POR: variants seen among roughly 807,000 people sequenced by gnomAD.
The protein encoded by POR is cytochrome p450 oxidoreductase, also known as NADPH--cytochrome P450 reductase.
In POR, 56 loss-of-function variants were observed where a neutral mutation model predicts 84.0. That is an observed-to-expected ratio of 0.67 (90% CI 0.54 to 0.83). POR has a LOEUF of 0.83. POR is among the 40% of genes least tolerant of loss of function. POR has a pLI of 0.00. For missense variants in POR, 938 were observed against 944.3 expected, an observed-to-expected ratio of 0.99 and a Z score of 0.09; for synonymous variants, 414 against 400.5, an observed-to-expected ratio of 1.03 and a Z score of -0.40.
At chr7:75,979,775 C>A in intron 4 of POR, 196 bp downstream of exon 4, 1 of 696,978 alleles carries the variant, frequency 1.4e-6, no homozygotes. Context: ...CCTGCAGTTG[C>A]AGCCACGTGC....
chr7:75,921,879 G>C (rs1554548884), intron 1 of POR, among the ~76,000 whole-genome samples: 1 of 151,808 alleles, frequency 6.6e-6, no homozygotes, highest in South Asian at 2.1e-4. Context: ...GCTAATTTTT[G>C]TATTTCTAGT....
At chr7:75,937,516 C>A (rs1197527765) in intron 1 of POR, among the ~76,000 whole-genome samples, 1 of 144,722 alleles carries the variant, frequency 6.9e-6, no homozygotes, top group African/African-American at 2.6e-5. Flanking sequence ...TGTTTGGTGG[C>A]TCACGTCTGT....
chr7:75,982,553 C>T (rs1307139403), intron 8 of POR, among the ~76,000 whole-genome samples: 3 of 152,222 alleles, frequency 2.0e-5, no homozygotes, highest in Non-Finnish European at 4.4e-5. Context: ...CCCAGGGCAG[C>T]GGGGCACATC....
chr7:75,957,775 A>G (rs967805695), intron 2 of POR, among the ~76,000 whole-genome samples: 26 of 152,304 alleles, frequency 1.7e-4, no homozygotes, highest in Middle Eastern at 3.4e-3. Context: ...GTGTGGAGAT[A>G]TGCAGTTTCC....
In POR at chr7:75,985,743, C is replaced by A. The variant is rs781897051; in HGVS notation, c.1563C>A (p.Phe521Leu). 6.3e-7 allele frequency: 1 copy of A among 1,585,680 alleles called. No individual in the cohort carries two copies. The highest frequency in any genetic ancestry group is 1.2e-5 in the South Asian group (1 of 86,648). ...CCATGTTCGTGCGCAAGTCCCAGTTCCGCCTGCCCTTCAAGGCCACCACGC... is the reference window on the plus strand; with the variant it reads ...CCATGTTCGTGCGCAAGTCCCAGTTACGCCTGCCCTTCAAGGCCACCACGC... The change falls in exon 13 of 16, where the codon TTC (phenylalanine) becomes TTA (leucine). Residue 521 changes from phenylalanine to leucine, a missense_variant. Coordinates refer to ENST00000461988, the MANE Select transcript of POR (RefSeq NM_000941.3).
intron 3 of POR, among the ~76,000 whole-genome samples, chr7:75,977,155 G>GT (rs1267068307): frequency 1.3e-5 from 2 of 152,102 alleles, no homozygotes; most frequent in African/African-American, 4.8e-5. Context: ...ACCCGGCCGC[G>GT]TAAGTTTTAT....
intron 1 of POR, among the ~76,000 whole-genome samples, chr7:75,951,389 A>G (rs748794510): frequency 5.3e-5 from 8 of 152,138 alleles, no homozygotes; most frequent in Non-Finnish European, 1.2e-4. Context: ...GAGAGACTCT[A>G]TCTCAAAAAA....
At chr7:75,930,586 G>C (rs931137953) in intron 1 of POR, among the ~76,000 whole-genome samples, 1 of 152,164 alleles carries the variant, frequency 6.6e-6, no homozygotes, top group Non-Finnish European at 1.5e-5. Context: ...GCAGTGGCAC[G>C]ATCTTGGCTC....
chr7:75,932,143 C>A (rs1475796580), intron 1 of POR, among the ~76,000 whole-genome samples: 1 of 151,438 alleles, frequency 6.6e-6, no homozygotes, highest in Non-Finnish European at 1.5e-5. Flanking sequence ...TATTTGTTCC[C>A]TTTGATTCAG....
chr7:75,977,897 C>G (rs1353489475), intron 3 of POR, among the ~76,000 whole-genome samples: 3 of 152,236 alleles, frequency 2.0e-5, no homozygotes, highest in African/African-American at 7.2e-5. Context: ...CTCCCTTCCA[C>G]CCTTCAGATC....
Position 75,980,435 on chromosome 7 carries a change from T to G in POR, c.463T>G (p.Phe155Val). ...AGACCCCACCGACAATGCCCAGGAC[T>G]TCTACGACTGGCTGCAGGAGACAGA... The change falls in exon 5 of 16, where the codon TTC becomes GTC. Residue 155 changes from phenylalanine (F) to valine (V), a missense_variant. Physicochemically the swap from Phe to Val is conservative, Grantham distance 50. Coordinates refer to ENST00000461988, the MANE Select transcript of POR (RefSeq NM_000941.3). 6.2e-7 allele frequency: 1 copy of G among 1,613,262 alleles called. No homozygotes were observed. Among genetic ancestry groups the G allele is most frequent in the Non-Finnish European group, 8.5e-7 (1 of 1,179,854 alleles).
At position 75,986,128 on chromosome 7, in the gene POR, G is replaced by GC. The variant is rs782588175; in HGVS notation, c.1816-25dup. ...AGGCTGGCAGGGCCACAGCCACAGTGCCCCCCTCACAGCACCACCCTTGGC... is the reference window on the plus strand; with the variant it reads ...AGGCTGGCAGGGCCACAGCCACAGTGCCCCCCCTCACAGCACCACCCTTGGC... On this transcript the variant is annotated intron_variant, in intron 14 of 15. Coordinates refer to ENST00000461988, the MANE Select transcript of POR (RefSeq NM_000941.3). 142 of 1,590,652 alleles carry GC rather than the reference G, an allele frequency of 8.9e-5. 1 individual carries two copies. The highest frequency in any genetic ancestry group is 1.1e-4 in the Non-Finnish European group (133 of 1,168,896).
Position 75,983,655 on chromosome 7 carries a change from A to G in POR, c.947+19A>G. On this transcript the variant is annotated intron_variant, in intron 9 of 15. Transcript: ENST00000461988. The stretch of plus-strand genomic sequence containing the variant: ...AAATCAGGTACCAGCTGCCACTGTC[A>G]CCCCCTGAACCCTCACTCTGGGCCT... 1 of 1,609,270 alleles carries G rather than the reference A, an allele frequency of 6.2e-7. No homozygotes were observed. Among genetic ancestry groups the G allele is most frequent in the South Asian group, 1.1e-5 (1 of 90,988 alleles).
At chr7:75,936,086 C>CT (rs869164954) in intron 1 of POR, among the ~76,000 whole-genome samples, 1,881 of 99,762 alleles carry the variant, frequency 0.019, 28 homozygotes, top group Non-Finnish European at 0.026. Flanking sequence ...TTCTTTCTTT[C>CT]TTTTTTTTTT....
chr7:75,948,492 C>A (rs547432762), intron 1 of POR, among the ~76,000 whole-genome samples: 2 of 152,154 alleles, frequency 1.3e-5, no homozygotes, highest in African/African-American at 4.8e-5. Flanking sequence ...GTGGTCCTGA[C>A]TGTGAACTCC....
chr7:75,963,961 A>G (rs1047871004), intron 2 of POR, among the ~76,000 whole-genome samples: 3 of 151,674 alleles, frequency 2.0e-5, no homozygotes, highest in Admixed American at 6.6e-5. Context: ...CAAAAATTAT[A>G]TATATTTATC....
In POR at chr7:75,985,523, CG is replaced by C. The variant is rs1486747885; in HGVS notation, c.1399-52del. ...TGGCCTGCAGAACGGGACTTGGGGC[CG>C]GGGCTGGGCAAGGGCCTCGGTGTGG... On this transcript the variant is annotated intron_variant, in intron 12 of 15. Transcript: ENST00000461988. 7 of 1,460,354 alleles carry C rather than the reference CG, an allele frequency of 4.8e-6. No individual in the cohort carries two copies. The Admixed American group carries it at 1.0e-4, about 21-fold the overall frequency. The allele number at this position is 1,460,354 out of a possible 1,614,324, so 90.5% of individuals were successfully genotyped here.
At chr7:75,954,692 A>G (rs1296760470) in intron 2 of POR, among the ~76,000 whole-genome samples, 2 of 147,846 alleles carry the variant, frequency 1.4e-5, no homozygotes, top group African/African-American at 5.0e-5. Flanking sequence ...GGTGTGCACC[A>G]CTATGCCCAG....
intron 1 of POR, among the ~76,000 whole-genome samples, chr7:75,949,568 G>C (rs1262263767): frequency 6.6e-6 from 1 of 151,892 alleles, no homozygotes; most frequent in Admixed American, 6.6e-5. Flanking sequence ...GCTGGAGTCT[G>C]GAGTGCAGTG....
Sources: allele counts gnomAD v4.1 joint callset (sites outside exome capture counted in the v4.1 genomes callset), GRCh38; gene constraint gnomAD v4.1.1; transcripts MANE v1.5; gene names NCBI Gene and HGNC (gene_info 2026-07-23, HGNC 2026-07-21).